Variants in LMBRD1 observed in about 807,000 individuals in gnomAD.
The protein encoded by LMBRD1 is lysosomal cobalamin transport escort protein LMBD1.
In LMBRD1, 64 loss-of-function variants were observed where a neutral mutation model predicts 74.8. The ratio of observed to expected loss-of-function variants is 0.86; its 90% CI spans 0.70 to 1.05. LMBRD1 has a LOEUF of 1.05. Among genes scored for constraint, LMBRD1 ranks in the 50% least tolerant of loss-of-function variants. The pLI, the probability that LMBRD1 is intolerant of heterozygous loss-of-function variation, is 0.00. For missense variants in LMBRD1, 652 were observed against 645.9 expected, an observed-to-expected ratio of 1.01 and a Z score of -0.10; for synonymous variants, 204 against 216.3, an observed-to-expected ratio of 0.94 and a Z score of 0.50.
intron 7 of LMBRD1, among the ~76,000 whole-genome samples, chr6:69,735,687 C>T (rs1426695629): frequency 2.0e-5 from 3 of 152,316 alleles, no homozygotes; most frequent in East Asian, 3.9e-4. Context: ...CACTCCCACT[C>T]GCTACCCTCA....
chr6:69,739,813 A>G (rs2149870183), intron 6 of LMBRD1, among the ~76,000 whole-genome samples: 1 of 152,226 alleles, frequency 6.6e-6, no homozygotes, highest in East Asian at 1.9e-4. Flanking sequence ...TTTTTTTTAA[A>G]AAAGGTTATA....
At chr6:69,766,293 T>C (rs1743672241) in intron 3 of LMBRD1, among the ~76,000 whole-genome samples, 1 of 152,014 alleles carries the variant, frequency 6.6e-6, no homozygotes, top group South Asian at 2.1e-4. Context: ...ATAATGTAGC[T>C]GTAGGCTTTT....
intron 6 of LMBRD1, among the ~76,000 whole-genome samples, chr6:69,740,035 G>A (rs1264631210): frequency 6.6e-6 from 1 of 152,204 alleles, no homozygotes; most frequent in Non-Finnish European, 1.5e-5. Context: ...GAACCCGGAA[G>A]GCAGGGGTTG....
chr6:69,705,111 T>C (rs1766224439), intron 9 of LMBRD1, among the ~76,000 whole-genome samples: 1 of 152,106 alleles, frequency 6.6e-6, no homozygotes, highest in African/African-American at 2.4e-5. Context: ...GTTCCGTCTT[T>C]AAAAACTAAA....
At chr6:69,714,139 C>T (rs1277274793) in intron 8 of LMBRD1, among the ~76,000 whole-genome samples, 1 of 152,112 alleles carries the variant, frequency 6.6e-6, no homozygotes, top group Non-Finnish European at 1.5e-5. Context: ...ATTCTCCCTC[C>T]TCTCCAAACT....
intron 5 of LMBRD1, among the ~76,000 whole-genome samples, chr6:69,748,649 AATTT>A (rs1765048911): frequency 6.6e-6 from 1 of 152,016 alleles, no homozygotes; most frequent in Admixed American, 6.5e-5. Context: ...AACTTTAAAA[AATTT>A]ATTAACTCCT....
At chr6:69,778,365 C>T (rs1000492076) in intron 3 of LMBRD1, among the ~76,000 whole-genome samples, 1 of 152,176 alleles carries the variant, frequency 6.6e-6, no homozygotes, top group Admixed American at 6.5e-5. Context: ...ATTGAGGACA[C>T]ACCATCTTTG....
At chr6:69,774,883 A>C (rs575099613) in intron 3 of LMBRD1, among the ~76,000 whole-genome samples, 2 of 150,742 alleles carry the variant, frequency 1.3e-5, no homozygotes, top group African/African-American at 4.9e-5. Flanking sequence ...GCTTGAGCCC[A>C]AGGAGTTCAA....
chr6:69,782,344 G>T (rs769355494), intron 2 of LMBRD1, among the ~76,000 whole-genome samples: 2 of 152,172 alleles, frequency 1.3e-5, no homozygotes, highest in Non-Finnish European at 1.5e-5. Context: ...GTCTCCAGGT[G>T]TTCAGCAATT....
chr6:69,679,327 T>G (rs1278477265), intron 14 of LMBRD1, among the ~76,000 whole-genome samples: 1 of 152,122 alleles, frequency 6.6e-6, no homozygotes, highest in Non-Finnish European at 1.5e-5. Context: ...TGCTGGGAGT[T>G]CAGACTCACA....
intron 14 of LMBRD1, among the ~76,000 whole-genome samples, chr6:69,683,797 A>G (rs1765709801): frequency 6.6e-6 from 1 of 152,042 alleles, no homozygotes. Context: ...CAGCAAAGAG[A>G]ATGGAAGTAG....
chr6:69,764,263 CCT>C (rs1457540216), intron 3 of LMBRD1, among the ~76,000 whole-genome samples: 1 of 151,906 alleles, frequency 6.6e-6, no homozygotes, highest in Non-Finnish European at 1.5e-5. Context: ...TGTTAGGGCC[CCT>C]GTGATGGCAT....
intron 5 of LMBRD1, among the ~76,000 whole-genome samples, chr6:69,747,773 G>A (rs915974405): frequency 3.3e-5 from 5 of 152,138 alleles, no homozygotes; most frequent in East Asian, 3.8e-4. Flanking sequence ...TTTCAAAAAC[G>A]TATGAGCTAC....
At chr6:69,684,026 A>G (rs1307202522) in intron 14 of LMBRD1, among the ~76,000 whole-genome samples, 1 of 152,102 alleles carries the variant, frequency 6.6e-6, no homozygotes, top group Non-Finnish European at 1.5e-5. Context: ...ATCATCAAAT[A>G]TATGTAGAGA....
intron 5 of LMBRD1, among the ~76,000 whole-genome samples, chr6:69,748,068 C>T (rs184496280): frequency 2.0e-4 from 30 of 152,210 alleles, no homozygotes; most frequent in African/African-American, 7.2e-4. Flanking sequence ...CACTCATGTT[C>T]TAAAATAGGA....
At chr6:69,731,412 A>C (rs1356775831) in intron 7 of LMBRD1, among the ~76,000 whole-genome samples, 4 of 152,098 alleles carry the variant, frequency 2.6e-5, no homozygotes, top group Non-Finnish European at 5.9e-5. Flanking sequence ...TCAGACTATC[A>C]CATGTACCTG....
At chr6:69,731,838 T>C (rs1188172574) in intron 7 of LMBRD1, among the ~76,000 whole-genome samples, 2 of 152,106 alleles carry the variant, frequency 1.3e-5, no homozygotes, top group Non-Finnish European at 2.9e-5. Context: ...TAGTAAAACA[T>C]GAACATCAAT....
intron 7 of LMBRD1, among the ~76,000 whole-genome samples, chr6:69,724,697 C>A (rs1766689839): frequency 6.6e-6 from 1 of 151,372 alleles, no homozygotes; most frequent in African/African-American, 2.4e-5. Flanking sequence ...CCTCAAAAAA[C>A]TGAGTATAGA....
intron 3 of LMBRD1, among the ~76,000 whole-genome samples, chr6:69,759,719 T>C (rs900993185): frequency 4.6e-5 from 7 of 152,224 alleles, no homozygotes; most frequent in South Asian, 2.1e-4. Flanking sequence ...GGGAGCAGTA[T>C]ACAGCTAAAT....
Sources: allele counts gnomAD v4.1 joint callset (sites outside exome capture counted in the v4.1 genomes callset), GRCh38; gene constraint gnomAD v4.1.1; transcripts MANE v1.5; gene names NCBI Gene and HGNC (gene_info 2026-07-23, HGNC 2026-07-21).